CRB2: variants seen among roughly 807,000 people sequenced by gnomAD.
The protein encoded by CRB2 is protein crumbs homolog 2.
A neutral mutation model predicts 110.9 loss-of-function variants in CRB2; 85 were observed. The ratio of observed to expected loss-of-function variants is 0.77; its 90% confidence interval spans 0.64 to 0.92. The LOEUF is 0.92. Among genes scored for constraint, CRB2 ranks in the 40% least tolerant of loss-of-function variants. CRB2 has a pLI of 0.00. For synonymous variants in CRB2, 907 were observed against 831.0 expected (o/e 1.09, Z -1.57); for missense variants, 1,843 against 1,851.3 (o/e 1.00, Z 0.08).
In CRB2 at chr9:123,366,251, C is replaced by CGGCTACGAGGGCACGCACT; in HGVS notation, c.641_659dup (p.Cys220TrpfsTer68). 1 of 1,482,880 alleles carries CGGCTACGAGGGCACGCACT rather than the reference C, an allele frequency of 6.7e-7. No individual in the cohort carries two copies. The highest frequency in any genetic ancestry group is 8.9e-7 in the Non-Finnish European group (1 of 1,127,196). 91.9% of individuals were successfully genotyped at this position (1,482,880 alleles called of 1,614,324 possible). A position where few individuals can be genotyped will look rare whatever the true frequency, so the allele number is the denominator to read the frequency against. On this transcript the variant is annotated frameshift_variant, in exon 4 of 13. Transcript: ENST00000373631. LOFTEE classifies it high-confidence loss of function. The stretch of plus-strand genomic sequence containing the variant: ...GGTTCCGGTGCGACTGCGCGGGCAC[C>CGGCTACGAGGGCACGCACT]GGCTACGAGGGCACGCACTGCGAGC...
In CRB2 at chr9:123,370,770, G is replaced by T. The variant is rs756095718; in HGVS notation, c.1717G>T (p.Asp573Tyr). 2 of 1,602,724 alleles carry T rather than the reference G, an allele frequency of 1.2e-6. No individual in the cohort carries two copies. The highest frequency in any genetic ancestry group is 1.7e-6 in the Non-Finnish European group (2 of 1,179,954). The change falls in exon 7 of 13, where the codon GAC (aspartate) becomes TAC (tyrosine). Residue 573 changes from aspartate to tyrosine, a missense_variant. Physicochemically the swap from Asp to Tyr is radical, Grantham distance 160. Coordinates refer to ENST00000373631, the MANE Select transcript of CRB2 (RefSeq NM_173689.7). ...CGGGATCTCCTCTGCCCAGCTGGGG[G>T]ACGCGACCTTTGCAGGCTGCCTCCA... ...PAGISSAQLG[D>Y]ATFAGCLQDV...
At chr9:123,368,730 C>T in intron 6 of CRB2, 1 of 1,075,318 alleles carries the variant, frequency 9.3e-7, no homozygotes, top group Non-Finnish European at 1.1e-6. Context: ...CTTTGCCCAT[C>T]CTCCCTCCCT....
Position 123,371,570 on chromosome 9 carries a change from A to G in CRB2, c.2428A>G (p.Met810Val), listed in dbSNP as rs777537655. ...NLTAGCVSED[M>V]CSPDPCFNGG... ...CACTGCGGGCTGCGTCTCCGAGGAC[A>G]TGTGCAGTGTAAGTGTCTGGTGGCG... is the stretch of plus-strand genomic sequence containing the variant. The change falls in exon 8 of 13, where the codon ATG becomes GTG. Residue 810 changes from methionine to valine, a missense_variant. Physicochemically the swap from Met to Val is conservative, Grantham distance 21 (BLOSUM62 1). Transcript: ENST00000373631. 1 of 1,612,738 alleles carries G rather than the reference A, an allele frequency of 6.2e-7. No individual in the cohort carries two copies. Among genetic ancestry groups the G allele is most frequent in the Non-Finnish European group, 8.5e-7 (1 of 1,180,010 alleles).
At position 123,375,229 on chromosome 9, in the gene CRB2, C is replaced by T; in HGVS notation, c.3519C>T (p.Pro1173=). 1.2e-6 allele frequency: 2 copies of T among 1,612,700 alleles called. No individual in the cohort carries two copies. Among genetic ancestry groups the T allele is most frequent in the Non-Finnish European group, 1.7e-6 (2 of 1,179,456 alleles). The change falls in exon 12 of 13, where the codon CCC becomes CCT. Residue 1173 remains proline (P), a synonymous_variant. Coordinates refer to ENST00000373631, the MANE Select transcript of CRB2 (RefSeq NM_173689.7). ...CCTCCCTCTCCAGGTGTCAGGTCCC[C>T]ACTCTCCCCTGTGAAGCCAACCCCT... is the stretch of plus-strand genomic sequence containing the variant. The part of the protein sequence containing the change: ...EGLAGQRCQV[P]TLPCEANPCL...
intron 2 of CRB2, among the ~76,000 whole-genome samples, chr9:123,364,847 G>A (rs1341112314): frequency 6.6e-6 from 1 of 152,188 alleles, no homozygotes; most frequent in African/African-American, 2.4e-5. Context: ...CGAGGGTTCT[G>A]GGGACTTGGT....
chr9:123,373,909 C>T lies in CRB2; in HGVS notation c.3378C>T (p.Gly1126=), dbSNP rs757806080. 18 of 1,549,046 alleles carry T rather than the reference C, an allele frequency of 1.2e-5. No homozygotes were observed. The highest frequency in any genetic ancestry group is 1.9e-5 in the Admixed American group (1 of 51,310). ...GCCGCTGCCCGCCTGGCTTCGGGGG[C>T]CCGCGCTGCAGGTGGGATGGCTGGG... is the stretch of plus-strand genomic sequence containing the variant. ...FECRCPPGFG[G]PRCRLPVPSK... The change falls in exon 10 of 13, where the codon GGC becomes GGT. Residue 1126 remains glycine (G), a synonymous_variant. Coordinates refer to ENST00000373631, the MANE Select transcript of CRB2 (RefSeq NM_173689.7).
intron 1 of CRB2, 95 bp downstream of exon 1, chr9:123,356,449 G>C: frequency 7.4e-6 from 7 of 951,940 alleles, no homozygotes; most frequent in Non-Finnish European, 1.1e-5. Context: ...TGGGTGGGCT[G>C]GTCCGCGTGG....
chr9:123,373,961 TG>T (rs1337776092), intron 10 of CRB2, 41 bp downstream of exon 10: 4 of 1,549,392 alleles, frequency 2.6e-6, no homozygotes, highest in Non-Finnish European at 3.5e-6. Context: ...GAATGCCCCC[TG>T]GGGCTATGGT....
At chr9:123,374,179 T>C in intron 10 of CRB2, 2 of 629,748 alleles carry the variant, frequency 3.2e-6, no homozygotes, top group South Asian at 1.9e-5. Flanking sequence ...CGGAGGTTCA[T>C]CCCTATTGGT....
At chr9:123,363,233 G>A (rs565855644) in intron 2 of CRB2, 45 bp downstream of exon 2, 44 of 1,532,954 alleles carry the variant, frequency 2.9e-5, no homozygotes, top group Non-Finnish European at 3.4e-5. Flanking sequence ...AATGCAGATC[G>A]CATCAGCTGC....
rs2042046855 is a variant in CRB2 at position 123,373,378 on chromosome 9, G to A, written c.2847G>A (p.Pro949=). 26 of 1,431,914 alleles carry A rather than the reference G, an allele frequency of 1.8e-5. No individual in the cohort carries two copies. The highest frequency in any genetic ancestry group is 1.9e-5 in the Non-Finnish European group (21 of 1,099,444). 88.7% of individuals were successfully genotyped at this position (1,431,914 alleles called of 1,614,324 possible). A position where few individuals can be genotyped will look rare whatever the true frequency, so the allele number is the denominator to read the frequency against. The change falls in exon 10 of 13, where the codon CCG becomes CCA. Residue 949 remains proline, a synonymous_variant. Transcript: ENST00000373631. ...GCGCTGTGCTGCCCATACCGGGGCC[G>A]CGCGTGGCCGATGGTGCCTGGCACC... The part of the protein sequence containing the change: ...LPGAVLPIPG[P]RVADGAWHRV...
chr9:123,365,858 C>A, intron 2 of CRB2, 59 bp from the exon 3 acceptor site: 1 of 1,458,648 alleles, frequency 6.9e-7, no homozygotes, highest in Non-Finnish European at 9.1e-7. Flanking sequence ...CTGGCGCGAC[C>A]TCTTCCGCCC....
Position 123,365,994 on chromosome 9 carries a change from G to C in CRB2, c.496G>C (p.Gly166Arg). Residue 166 changes from glycine to arginine, a missense_variant, in exon 3 of 13, where the codon GGC (glycine) becomes CGC (arginine). Transcript: ENST00000373631. Reference protein sequence around the residue: ...LHGGSCLDGVGSFRCVCAPGY... With the variant: ...LHGGSCLDGVRSFRCVCAPGY... ...CGGGGGCTCGTGCCTGGACGGCGTG[G>C]GCTCCTTCCGCTGTGTGTGCGCGCC... 6.3e-7 allele frequency: 1 copy of C among 1,596,904 alleles called. No homozygotes were observed. The highest frequency in any genetic ancestry group is 8.5e-7 in the Non-Finnish European group (1 of 1,178,792).
At position 123,360,912 on chromosome 9, in the gene CRB2, C is replaced by G. The variant is rs546364125; in HGVS notation, c.95-1953C>G. Among the ~76,000 whole-genome samples, 53 of 152,304 alleles carry G rather than the reference C, an allele frequency of 3.5e-4. 2 individuals are homozygous for G. The highest frequency in any genetic ancestry group is 1.2e-3 in the South Asian group (6 of 4,828). On this transcript the variant is annotated intron_variant, in intron 1 of 12. Transcript: ENST00000373631. ...GCCTCCCAGGACGGGCAGCTCCTTC[C>G]CTTCCTGCCTGGCTCTGACTGGAGA...
Position 123,373,029 on chromosome 9 carries a change from C to T in CRB2, c.2603-105C>T, listed in dbSNP as rs1588216836. On this transcript the variant is annotated intron_variant, in intron 9 of 12. Transcript: ENST00000373631. ...TAGATGATAGGTGGGTGCGTGTGCC[C>T]CACCCCAAGTAAGTGGCTGTCTGCC... 5 of 981,342 alleles carry T rather than the reference C, an allele frequency of 5.1e-6. No homozygotes were observed. In the South Asian group the frequency reaches 9.1e-5, roughly 18 times the overall value. 60.8% of individuals were successfully genotyped at this position (981,342 alleles called of 1,614,324 possible).
intron 1 of CRB2, among the ~76,000 whole-genome samples, chr9:123,359,436 GTTTTGTTTTTTT>G (rs1479236473): frequency 1.8e-4 from 11 of 62,432 alleles, no homozygotes; most frequent in Admixed American, 1.4e-3. Flanking sequence ...TTTCGTTTTT[GTTTTGTTTTTTT>G]TTTTTTTTTT....
chr9:123,373,324 G>T lies in CRB2; in HGVS notation c.2793G>T (p.Gly931=). Residue 931 remains glycine, a synonymous_variant, in exon 10 of 13, where the codon GGG becomes GGT. Transcript: ENST00000373631. ...CGGTGCGCAATGGCTCGCTGGCGGG[G>T]GGCGTGCGCGGAGGCCATGGCCTGC... The part of the protein sequence containing the change: ...WLAVRNGSLA[G]GVRGGHGLPG... 1 of 1,446,860 alleles carries T rather than the reference G, an allele frequency of 6.9e-7. No individual in the cohort carries two copies. The allele number at this position is 1,446,860 out of a possible 1,614,324, so 89.6% of individuals were successfully genotyped here. A position where few individuals can be genotyped will look rare whatever the true frequency, so the allele number is the denominator to read the frequency against.
rs772414031 is a variant in CRB2, at chr9:123,373,696, C to T, written c.3165C>T (p.Arg1055=). 5.4e-6 allele frequency: 8 copies of T among 1,487,512 alleles called. No individual in the cohort carries two copies. Among genetic ancestry groups the T allele is most frequent in the South Asian group, 3.9e-5 (3 of 76,690 alleles). 92.1% of individuals were successfully genotyped at this position (1,487,512 alleles called of 1,614,324 possible). A position where few individuals can be genotyped will look rare whatever the true frequency, so the allele number is the denominator to read the frequency against. ...PGTPAPILGC[R]GAPVCAPSPC... ...CGCCGGCCCCGATCCTCGGCTGCCGCGGCGCGCCCGTGTGTGCGCCCTCGC... is the reference window on the plus strand; with the variant it reads ...CGCCGGCCCCGATCCTCGGCTGCCGTGGCGCGCCCGTGTGTGCGCCCTCGC... Residue 1055 remains arginine (R), a synonymous_variant, in exon 10 of 13, where the codon CGC becomes CGT. Transcript: ENST00000373631.
chr9:123,354,460 A>T (rs2041778203), upstream of CRB2, among the ~76,000 whole-genome samples: 1 of 152,226 alleles, frequency 6.6e-6, no homozygotes, highest in African/African-American at 2.4e-5. Flanking sequence ...GAGAGCTGGC[A>T]CTGTCGCCTT....
Sources: gnomAD v4.1 joint callset for allele counts (sites outside exome capture counted in the v4.1 genomes callset) on GRCh38, gnomAD v4.1.1 for gene constraint, MANE v1.5 for transcripts, NCBI Gene and HGNC (gene_info 2026-07-23, HGNC 2026-07-21) for gene names.